RAPGEF4: variants seen among roughly 807,000 people sequenced by gnomAD.
The protein encoded by RAPGEF4 is Rap guanine nucleotide exchange factor 4, also known as RAP guanine-nucleotide-exchange factor (GEF) 4.
A neutral mutation model predicts 147.9 loss-of-function variants in RAPGEF4; 66 were observed. The ratio of observed to expected loss-of-function variants is 0.45; its 90% CI spans 0.37 to 0.55. The LOEUF is 0.55. Among genes scored for constraint, RAPGEF4 ranks in the 20% least tolerant of loss-of-function variants. The pLI, the probability that RAPGEF4 is intolerant of heterozygous loss-of-function variation, is 0.00. For synonymous variants in RAPGEF4, 419 were observed against 442.7 expected (o/e 0.95, Z 0.67); for missense variants, 1,071 against 1,257.3 (o/e 0.85, Z 2.24).
intron 4 of RAPGEF4, among the ~76,000 whole-genome samples, chr2:172,905,883 GAAT>G (rs1175987128): frequency 1.3e-5 from 2 of 152,226 alleles, no homozygotes. Flanking sequence ...CAAGGAAACA[GAAT>G]AACTTGCCTT....
chr2:172,890,692 C>A (rs1260832126), intron 4 of RAPGEF4, among the ~76,000 whole-genome samples: 1 of 152,140 alleles, frequency 6.6e-6, no homozygotes. Flanking sequence ...AGGGAGGGAA[C>A]CATTGAGAAT....
intron 18 of RAPGEF4, 108 bp from the exon 19 acceptor site, chr2:173,016,241 G>A (rs1478019354): frequency 1.4e-6 from 1 of 718,642 alleles, no homozygotes; most frequent in Non-Finnish European, 2.5e-6. Flanking sequence ...CCATGGTCTG[G>A]AGATGCTGGT....
chr2:172,775,696 G>A (rs1188542349), intron 1 of RAPGEF4, among the ~76,000 whole-genome samples: 1 of 151,638 alleles, frequency 6.6e-6, no homozygotes, highest in African/African-American at 2.4e-5. Context: ...GACTCAGTGG[G>A]TATGACAAAA....
At chr2:172,884,360 C>G (rs1696948537) in intron 4 of RAPGEF4, among the ~76,000 whole-genome samples, 1 of 152,202 alleles carries the variant, frequency 6.6e-6, no homozygotes, top group Non-Finnish European at 1.5e-5. Context: ...GATTAGGAAA[C>G]TTGTGTTTGC....
At chr2:173,003,742 T>C (rs1245414848) in intron 17 of RAPGEF4, among the ~76,000 whole-genome samples, 1 of 152,152 alleles carries the variant, frequency 6.6e-6, no homozygotes, top group African/African-American at 2.4e-5. Flanking sequence ...TTTGAAAGCT[T>C]GTTTAAATTT....
intron 4 of RAPGEF4, among the ~76,000 whole-genome samples, chr2:172,890,430 T>C (rs991229350): frequency 6.6e-6 from 1 of 152,264 alleles, no homozygotes; most frequent in African/African-American, 2.4e-5. Context: ...TTAGGCTTTA[T>C]GTAAGTGAAC....
chr2:172,783,188 C>T (rs533944508), intron 1 of RAPGEF4, among the ~76,000 whole-genome samples: 2 of 152,278 alleles, frequency 1.3e-5, no homozygotes, highest in African/African-American at 4.8e-5. Context: ...CCCTGAGCCT[C>T]AGATGTGGCA....
At chr2:172,976,543 A>C (rs1202208003) in intron 10 of RAPGEF4, among the ~76,000 whole-genome samples, 3 of 152,264 alleles carry the variant, frequency 2.0e-5, no homozygotes, top group Non-Finnish European at 4.4e-5. Flanking sequence ...CCACACACAC[A>C]AAAAAATAGA....
intron 1 of RAPGEF4, among the ~76,000 whole-genome samples, chr2:172,767,195 T>G (rs1014814306): frequency 6.7e-6 from 1 of 149,158 alleles, no homozygotes; most frequent in Non-Finnish European, 1.5e-5. Context: ...TTTTTTTTTT[T>G]GAGACGGAGT....
At chr2:172,763,971 C>G (rs1696590118) in intron 1 of RAPGEF4, among the ~76,000 whole-genome samples, 1 of 152,062 alleles carries the variant, frequency 6.6e-6, no homozygotes, top group African/African-American at 2.4e-5. Flanking sequence ...ATACTATCGG[C>G]CAGACACCAT....
intron 16 of RAPGEF4, 150 bp downstream of exon 16, chr2:172,996,704 C>A (rs1693399654): frequency 1.7e-6 from 1 of 575,798 alleles, no homozygotes; most frequent in Non-Finnish European, 3.0e-6. Flanking sequence ...TGTGACCTGA[C>A]TGGGAACAGT....
At chr2:172,807,560 A>T (rs538732806) in intron 3 of RAPGEF4, among the ~76,000 whole-genome samples, 2 of 152,358 alleles carry the variant, frequency 1.3e-5, no homozygotes, top group East Asian at 3.9e-4. Flanking sequence ...TAATTTTATT[A>T]CTTAAGATGA....
chr2:172,858,638 A>C (rs1208246687), intron 4 of RAPGEF4, among the ~76,000 whole-genome samples: 1 of 152,256 alleles, frequency 6.6e-6, no homozygotes, highest in East Asian at 1.9e-4. Flanking sequence ...AGCTATGCAG[A>C]GTTTTAAGCA....
chr2:173,045,409 T>C (rs997787703), intron 29 of RAPGEF4, among the ~76,000 whole-genome samples: 1 of 152,214 alleles, frequency 6.6e-6, no homozygotes, highest in African/African-American at 2.4e-5. Context: ...TAGGGCACCA[T>C]ACTAGAGACG....
At chr2:173,020,140 G>A (rs1205442985) in intron 22 of RAPGEF4, among the ~76,000 whole-genome samples, 1 of 152,098 alleles carries the variant, frequency 6.6e-6, no homozygotes, top group Non-Finnish European at 1.5e-5. Flanking sequence ...AATGTGGGAG[G>A]AGGCTTAATC....
chr2:172,975,146 G>T (rs2105583746), intron 10 of RAPGEF4, among the ~76,000 whole-genome samples: 1 of 152,204 alleles, frequency 6.6e-6, no homozygotes, highest in South Asian at 2.1e-4. Flanking sequence ...GCCAAATCCG[G>T]CACCCAACTT....
chr2:172,748,439 G>A lies in RAPGEF4; in HGVS notation c.65+12391G>A, dbSNP rs147297085. On this transcript the variant is annotated intron_variant, in intron 1 of 30. Transcript: ENST00000397081. ...TGTCTTACATTAGTGGCAGGCAAGGGAGAGAAAGAACCAAGCAAAAGGGGT... is the reference window on the plus strand; with the variant it reads ...TGTCTTACATTAGTGGCAGGCAAGGAAGAGAAAGAACCAAGCAAAAGGGGT... 3.8e-3 allele frequency among the ~76,000 whole-genome samples: 571 copies of A among 152,256 alleles called. 4 individuals carry two copies. Among genetic ancestry groups the A allele is most frequent in the African/African-American group, 9.4e-3 (390 of 41,556 alleles).
chr2:172,822,085 A>C, intron 4 of RAPGEF4: 1 of 1,375,400 alleles, frequency 7.3e-7, no homozygotes. Flanking sequence ...TGGCTTTTCT[A>C]ATTATGTTCC....
chr2:172,871,625 CTT>C (rs57511364), intron 4 of RAPGEF4, among the ~76,000 whole-genome samples: 4,587 of 132,152 alleles, frequency 0.035, 134 homozygotes, highest in South Asian at 0.15. Context: ...AAAAAGCAGA[CTT>C]TTTTTTTTTT....
Sources: allele counts gnomAD v4.1 joint callset (sites outside exome capture counted in the v4.1 genomes callset), GRCh38; gene constraint gnomAD v4.1.1; transcripts MANE v1.5; gene names NCBI Gene and HGNC (gene_info 2026-07-23, HGNC 2026-07-21).